HIBCH: variants seen among roughly 807,000 people sequenced by gnomAD.
HIBCH encodes the protein 3-hydroxyisobutyryl-CoA hydrolase, mitochondrial.
HIBCH carries 50 observed loss-of-function variants against 58.2 expected under a neutral mutation model. That is an observed-to-expected ratio of 0.86 (90% CI 0.68 to 1.09). The LOEUF (loss-of-function observed/expected upper bound fraction) is 1.09. Among genes scored for constraint, HIBCH ranks in the 50% least tolerant of loss-of-function variants. HIBCH has a pLI of 0.00. For synonymous variants in HIBCH, 151 were observed against 146.9 expected (o/e 1.03, Z -0.20); for missense variants, 450 against 449.7 (o/e 1.00, Z -0.01).
rs1690337710 is a variant in HIBCH at position 190,204,439 on chromosome 2, C to T, written c.*678G>A. On this transcript the variant is annotated 3_prime_UTR_variant, in exon 14 of 14. Coordinates refer to ENST00000359678, the MANE Select transcript of HIBCH (RefSeq NM_014362.4). ...GGTATTCTGATTATTTTAGGGAAGA[C>T]CAAGTCTGAGTTAATACTGAAGAGG... The T allele has an allele frequency of 6.6e-6, 1 of 152,074 alleles. No homozygotes were observed. The highest frequency in any genetic ancestry group is 2.4e-5 in the African/African-American group (1 of 41,428). The allele number at this position is 152,074 out of a possible 1,614,324, so 9.4% of individuals were successfully genotyped here.
At chr2:190,249,819 G>C (rs1233360418) in intron 8 of HIBCH, 93 bp from the exon 9 acceptor site, 5 of 849,710 alleles carry the variant, frequency 5.9e-6, no homozygotes, top group Non-Finnish European at 7.7e-6. Context: ...TAGAATTCTT[G>C]ACTTTAAATT....
intron 6 of HIBCH, among the ~76,000 whole-genome samples, chr2:190,282,967 ACT>A (rs1200940001): frequency 6.6e-6 from 1 of 152,196 alleles, no homozygotes; most frequent in East Asian, 1.9e-4. Context: ...GACTGAAAGC[ACT>A]GACTCAATGA....
intron 1 of HIBCH, among the ~76,000 whole-genome samples, chr2:190,194,075 A>C (rs1455390602): frequency 6.6e-6 from 1 of 152,164 alleles, no homozygotes; most frequent in Admixed American, 6.5e-5. Flanking sequence ...TTCCAAATAT[A>C]TGAGGCTTTT....
At chr2:190,208,095 A>C (rs1257897291) in intron 13 of HIBCH, among the ~76,000 whole-genome samples, 1 of 152,246 alleles carries the variant, frequency 6.6e-6, no homozygotes, top group Non-Finnish European at 1.5e-5. Context: ...CAAGCACGTC[A>C]AGCACTTCAC....
chr2:190,277,863 A>T (rs111631466), intron 6 of HIBCH, among the ~76,000 whole-genome samples: 420 of 152,312 alleles, frequency 2.8e-3, no homozygotes, highest in African/African-American at 9.7e-3. Context: ...TCATGCTGCA[A>T]GGTGGAGCTC....
intron 2 of HIBCH, 46 bp downstream of exon 2, chr2:190,310,708 A>C: frequency 7.0e-7 from 1 of 1,431,698 alleles, no homozygotes; most frequent in Admixed American, 1.7e-5. Flanking sequence ...TGACATTTTA[A>C]GTTACACATA....
At chr2:190,303,858 T>C (rs1011910804) in intron 2 of HIBCH, among the ~76,000 whole-genome samples, 3 of 152,154 alleles carry the variant, frequency 2.0e-5, no homozygotes, top group Admixed American at 6.5e-5. Context: ...CCTGATGCAT[T>C]TGTCAAAACC....
chr2:190,247,232 A>G (rs1671957715), intron 9 of HIBCH, among the ~76,000 whole-genome samples: 1 of 152,212 alleles, frequency 6.6e-6, no homozygotes, highest in South Asian at 2.1e-4. Context: ...TCAAAACGCT[A>G]TCAGTGGTCA....
chr2:190,297,646 T>C (rs1688138808), intron 2 of HIBCH, among the ~76,000 whole-genome samples: 1 of 152,216 alleles, frequency 6.6e-6, no homozygotes, highest in Non-Finnish European at 1.5e-5. Context: ...TCACTGCTTA[T>C]GTATTTTGCA....
intron 7 of HIBCH, among the ~76,000 whole-genome samples, chr2:190,252,659 T>C (rs933690408): frequency 9.9e-5 from 15 of 152,246 alleles, no homozygotes; most frequent in African/African-American, 3.1e-4. Flanking sequence ...AAAAAATTTA[T>C]TTCCAAATCA....
chr2:190,261,262 G>T (rs377703522), intron 6 of HIBCH, 28 bp from the exon 7 acceptor site: 1 of 1,481,320 alleles, frequency 6.8e-7, no homozygotes, highest in Non-Finnish European at 9.4e-7. Flanking sequence ...AAAAAGAGGC[G>T]GGGGGGAATT....
At chr2:190,231,450 C>T (rs1264121071) in intron 11 of HIBCH, among the ~76,000 whole-genome samples, 2 of 152,060 alleles carry the variant, frequency 1.3e-5, no homozygotes, top group Admixed American at 1.3e-4. Flanking sequence ...ATAGACGCAG[C>T]AAAATAAGCA....
chr2:190,270,911 G>C (rs1687378776), intron 6 of HIBCH, among the ~76,000 whole-genome samples: 1 of 151,788 alleles, frequency 6.6e-6, no homozygotes, highest in Non-Finnish European at 1.5e-5. Context: ...GCACCAAACA[G>C]ATTTTTTTTA....
chr2:190,271,098 A>T (rs1322108316), intron 6 of HIBCH, among the ~76,000 whole-genome samples: 9 of 151,838 alleles, frequency 5.9e-5, no homozygotes, highest in Non-Finnish European at 1.3e-4. Flanking sequence ...CCCACCCCAT[A>T]GCTACTCTTC....
intron 2 of HIBCH, among the ~76,000 whole-genome samples, chr2:190,305,733 A>G (rs764468171): frequency 6.6e-6 from 1 of 152,228 alleles, no homozygotes; most frequent in Non-Finnish European, 1.5e-5. Context: ...ACTTTTCAAT[A>G]GATCTAAAAC....
chr2:190,195,950 T>C (rs1279856847), intron 1 of HIBCH, among the ~76,000 whole-genome samples: 1 of 150,428 alleles, frequency 6.6e-6, no homozygotes, highest in African/African-American at 2.4e-5. Flanking sequence ...GCTTTTTTTT[T>C]TTTTTTTTTT....
At chr2:190,268,750 T>G (rs546189209) in intron 6 of HIBCH, among the ~76,000 whole-genome samples, 172 of 152,358 alleles carry the variant, frequency 1.1e-3, no homozygotes, top group Non-Finnish European at 6.3e-4. Flanking sequence ...CAATTTTTTT[T>G]AACTGCTCCT....
At chr2:190,258,978 C>T (rs775409637) in intron 7 of HIBCH, among the ~76,000 whole-genome samples, 13 of 152,204 alleles carry the variant, frequency 8.5e-5, no homozygotes, top group East Asian at 3.9e-4. Context: ...CAGTGGTCTA[C>T]GTATTCATTT....
intron 7 of HIBCH, among the ~76,000 whole-genome samples, chr2:190,259,556 G>A (rs176712): frequency 0.28 from 41,967 of 151,892 alleles, 6,285 homozygotes; most frequent in East Asian, 0.46. Flanking sequence ...ATGTCGTTTC[G>A]CCATACAGAT....
Sources: gnomAD v4.1 joint callset for allele counts (sites outside exome capture counted in the v4.1 genomes callset) on GRCh38, gnomAD v4.1.1 for gene constraint, MANE v1.5 for transcripts, NCBI Gene and HGNC (gene_info 2026-07-23, HGNC 2026-07-21) for gene names.